BFSP1: variants seen among roughly 807,000 people sequenced by gnomAD.
BFSP1 encodes the protein beaded filament structural protein 1.
A neutral mutation model predicts 43.9 loss-of-function variants in BFSP1; 38 were observed. That is an observed-to-expected ratio of 0.87 (90% CI 0.67 to 1.14). The LOEUF is 1.14. BFSP1 is among the 50% of genes most tolerant of loss of function. The pLI, the probability that BFSP1 is intolerant of heterozygous loss-of-function variation, is 0.00. For synonymous variants in BFSP1, 352 were observed against 354.8 expected, an observed-to-expected ratio of 0.99 and a Z score of 0.09; for missense variants, 850 against 875.1, an observed-to-expected ratio of 0.97 and a Z score of 0.36.
intron 7 of BFSP1, among the ~76,000 whole-genome samples, chr20:17,496,466 T>C (rs1489067954): frequency 2.0e-5 from 3 of 152,168 alleles, no homozygotes; most frequent in African/African-American, 7.2e-5. Context: ...GAATGAGAGA[T>C]GACTGAGCAG....
intron 6 of BFSP1, 83 bp downstream of exon 6, chr20:17,498,737 T>C: frequency 6.8e-7 from 1 of 1,471,206 alleles, no homozygotes; most frequent in Non-Finnish European, 9.3e-7. Flanking sequence ...CCACTGCCTA[T>C]AACTGTGCCT....
At chr20:17,520,343 T>C (rs2034297753) in intron 2 of BFSP1, among the ~76,000 whole-genome samples, 1 of 152,100 alleles carries the variant, frequency 6.6e-6, no homozygotes, top group East Asian at 1.9e-4. Flanking sequence ...TGGAGCATTA[T>C]TGAAAATCAG....
At chr20:17,523,259 A>G (rs1016861682) in intron 2 of BFSP1, among the ~76,000 whole-genome samples, 8 of 152,136 alleles carry the variant, frequency 5.3e-5, no homozygotes, top group Admixed American at 3.9e-4. Flanking sequence ...TCAAGGGTAA[A>G]AGAGGAACCC....
At chr20:17,505,831 C>G (rs2033923277) in intron 5 of BFSP1, among the ~76,000 whole-genome samples, 1 of 152,182 alleles carries the variant, frequency 6.6e-6, no homozygotes, top group Non-Finnish European at 1.5e-5. Context: ...CCCACTGAGT[C>G]AGGAGCTCCC....
chr20:17,496,948 G>A lies in BFSP1; in HGVS notation c.1032C>T (p.Ser344=), dbSNP rs772025217. ...GTTGGGGAGCGTTACCTTTCCCACC[G>A]GATCCAGTGCTGAGAGAGACTCCAT... ...QSHGVSLSTG[S]GGKDLTRALQ... The change falls in exon 7 of 8, where the codon TCC becomes TCT. Residue 344 remains serine, a synonymous_variant. Coordinates refer to ENST00000377873, the MANE Select transcript of BFSP1 (RefSeq NM_001195.5). 3.9e-6 allele frequency: 6 copies of A among 1,536,096 alleles called. No individual in the cohort carries two copies. The highest frequency in any genetic ancestry group is 2.8e-5 in the African/African-American group (2 of 71,996).
intron 1 of BFSP1, among the ~76,000 whole-genome samples, chr20:17,548,095 T>C (rs2034835635): frequency 7.0e-6 from 1 of 143,748 alleles, no homozygotes; most frequent in African/African-American, 2.6e-5. Context: ...ATATTAATAG[T>C]GGGCATAATC....
intron 5 of BFSP1, among the ~76,000 whole-genome samples, chr20:17,505,235 C>A (rs939472407): frequency 2.6e-5 from 4 of 152,242 alleles, no homozygotes; most frequent in African/African-American, 9.6e-5. Context: ...CAAGCCCAGG[C>A]ACTATTCTCC....
intron 2 of BFSP1, among the ~76,000 whole-genome samples, chr20:17,522,507 T>C (rs991609559): frequency 6.6e-6 from 1 of 152,256 alleles, no homozygotes; most frequent in Non-Finnish European, 1.5e-5. Context: ...TACTCATTCT[T>C]ACGTAGGTTT....
chr20:17,541,743 G>A (rs999340631), intron 1 of BFSP1, among the ~76,000 whole-genome samples: 3 of 152,196 alleles, frequency 2.0e-5, no homozygotes, highest in Non-Finnish European at 4.4e-5. Flanking sequence ...ACAAAGCGTA[G>A]CATCCAAGTT....
rs1451788203 is a variant in BFSP1, at chr20:17,530,987, C to T, written c.343G>A (p.Glu115Lys). 30 of 1,439,578 alleles carry T rather than the reference C, an allele frequency of 2.1e-5. No individual in the cohort carries two copies. Among genetic ancestry groups the T allele is most frequent in the Non-Finnish European group, 2.7e-5 (30 of 1,100,512 alleles). 89.2% of individuals were successfully genotyped at this position (1,439,578 alleles called of 1,614,324 possible). A position where few individuals can be genotyped will look rare whatever the true frequency, so the allele number is the denominator to read the frequency against. Residue 115 changes from glutamate to lysine, a missense_variant, in exon 1 of 8, where the codon GAG becomes AAG. Transcript: ENST00000377873. ...AACTCGTCGAGCGCGCGCTGCGCCT[C>T]GGTGCCCTGGCGCTCCAGCCGGGCG... The part of the protein sequence containing the change: ...ERARLERQGT[E>K]AQRALDEFRS...
chr20:17,558,568 A>G (rs1316361709), intron 1 of BFSP1: 1 of 1,132,970 alleles, frequency 8.8e-7, no homozygotes, highest in East Asian at 2.6e-5. Context: ...GAGTCATAAA[A>G]CAAATGTGCA....
chr20:17,557,334 C>G (rs73258607), intron 1 of BFSP1, among the ~76,000 whole-genome samples: 2,463 of 152,336 alleles, frequency 0.016, 85 homozygotes, highest in African/African-American at 0.056. Flanking sequence ...CCTTTGAATA[C>G]AGCGCCTCAT....
In BFSP1 at chr20:17,507,540, C is replaced by T. The variant is rs149131196; in HGVS notation, c.735+1349G>A. Among the ~76,000 whole-genome samples the T allele has an allele frequency of 1.8e-4, 28 of 152,078 alleles. No individual in the cohort carries two copies. Among genetic ancestry groups the T allele is most frequent in the Admixed American group, 1.6e-3 (25 of 15,268 alleles). On this transcript the variant is annotated intron_variant, in intron 5 of 7. Coordinates refer to ENST00000377873, the MANE Select transcript of BFSP1 (RefSeq NM_001195.5). The surrounding 1 kb of genome is among the most constrained non-coding windows in gnomAD (Gnocchi z 4.4). ...AGGACCACGACTGGGCTTGTATCCA[C>T]GTCCCTATTCACATACACAGCACAC...
chr20:17,500,804 T>C (rs1276409649), intron 5 of BFSP1, among the ~76,000 whole-genome samples: 1 of 152,190 alleles, frequency 6.6e-6, no homozygotes, highest in East Asian at 1.9e-4. Context: ...AAAAAAAATT[T>C]AAACTTTATA....
intron 2 of BFSP1, among the ~76,000 whole-genome samples, chr20:17,523,314 C>T (rs1334743668): frequency 1.3e-5 from 2 of 152,018 alleles, no homozygotes; most frequent in Admixed American, 6.6e-5. Context: ...GATGGCACTG[C>T]GTGAGTGACA....
chr20:17,497,781 T>G (rs936688647), intron 6 of BFSP1, among the ~76,000 whole-genome samples: 3 of 151,526 alleles, frequency 2.0e-5, no homozygotes, highest in African/African-American at 7.3e-5. Context: ...TATTCAGGAG[T>G]TCCTTGTTCT....
Position 17,516,962 on chromosome 20 carries a change from G to A in BFSP1, c.439-2146C>T. On this transcript the variant is annotated intron_variant, in intron 2 of 7. Coordinates refer to ENST00000377873, the MANE Select transcript of BFSP1 (RefSeq NM_001195.5). ...ATAAGGAAAGAATTCCTCCTGATCAGTAAAGACTGATCTTTGCTAGCAAGC... is the reference window on the plus strand; with the variant it reads ...ATAAGGAAAGAATTCCTCCTGATCAATAAAGACTGATCTTTGCTAGCAAGC... The A allele has an allele frequency of 5.3e-6, 4 of 755,368 alleles. No individual in the cohort carries two copies. In the South Asian group the frequency reaches 5.4e-5, roughly 10 times the overall value. 46.8% of individuals were successfully genotyped at this position (755,368 alleles called of 1,614,324 possible).
chr20:17,498,004 C>T (rs778707878), intron 6 of BFSP1, among the ~76,000 whole-genome samples: 1 of 152,090 alleles, frequency 6.6e-6, no homozygotes, highest in Non-Finnish European at 1.5e-5. Context: ...CCAGATACAC[C>T]GACCAGCACT....
In BFSP1 at chr20:17,494,121, C is replaced by T. The variant is rs773277403; in HGVS notation, c.1951G>A (p.Gly651Arg). Residue 651 changes from glycine to arginine, a missense_variant, in exon 8 of 8, where the codon GGA becomes AGA. Transcript: ENST00000377873. ...TTCTTCTTGTCTGACTTTGTCTTTC[C>T]AATCATGGTCTCCACGATCACAGCG... ...ETAVIVETMIGKTKSDKKKSG... is the reference protein window; with the variant it reads ...ETAVIVETMIRKTKSDKKKSG... 2 of 1,613,986 alleles carry T rather than the reference C, an allele frequency of 1.2e-6. No homozygotes were observed. Among genetic ancestry groups the T allele is most frequent in the East Asian group, 4.5e-5 (2 of 44,880 alleles).
Sources: allele counts gnomAD v4.1 joint callset (sites outside exome capture counted in the v4.1 genomes callset), GRCh38; gene constraint gnomAD v4.1.1; non-coding constraint Gnocchi (gnomAD v3.1); transcripts MANE v1.5; gene names NCBI Gene and HGNC (gene_info 2026-07-23, HGNC 2026-07-21).